The following OR5AN1 variants were observed in gnomAD, a reference collection of about 807,000 sequenced individuals.
OR5AN1 encodes olfactory receptor family 5 subfamily AN member 1.
For synonymous variants in OR5AN1, 167 were observed against 131.8 expected (o/e 1.27, Z -1.83); for missense variants, 476 against 368.9 (o/e 1.29, Z -2.38).
chr11:59,361,745 C>T (rs571412295), intron 1 of OR5AN1, among the ~76,000 whole-genome samples: 1 of 152,320 alleles, frequency 6.6e-6, no homozygotes, highest in African/African-American at 2.4e-5. Context: ...GGAAAGTCTA[C>T]TCTCTCACAT....
At chr11:59,361,759 A>G (rs1418009226) in intron 1 of OR5AN1, among the ~76,000 whole-genome samples, 2 of 151,950 alleles carry the variant, frequency 1.3e-5, no homozygotes, top group East Asian at 1.9e-4. Flanking sequence ...CTCACATTCT[A>G]TCTCTTTCTC....
At position 59,370,955 on chromosome 11, in the gene OR5AN1, C is replaced by T. The variant is rs1457807870; in HGVS notation, c.*5561C>T. 1.3e-5 allele frequency: 2 copies of T among 152,152 alleles called. No homozygotes were observed. The highest frequency in any genetic ancestry group is 2.4e-5 in the African/African-American group (1 of 41,418). 9.4% of individuals were successfully genotyped at this position (152,152 alleles called of 1,614,324 possible). A position where few individuals can be genotyped will look rare whatever the true frequency, so the allele number is the denominator to read the frequency against. On this transcript the variant is annotated 3_prime_UTR_variant, in exon 2 of 2. Transcript: ENST00000641998. ...TTCACAAGAAGGACCATGAGATAAC[C>T]TCTGTGATAGCTCTAGGCTGTTATC...
In OR5AN1 at chr11:59,366,705, A is replaced by T. The variant is rs2134486232; in HGVS notation, c.*1311A>T. The T allele has an allele frequency of 6.6e-6, 1 of 152,328 alleles. No homozygotes were observed. Among genetic ancestry groups the T allele is most frequent in the African/African-American group, 2.4e-5 (1 of 41,564 alleles). 9.4% of individuals were successfully genotyped at this position (152,328 alleles called of 1,614,324 possible). A position where few individuals can be genotyped will look rare whatever the true frequency, so the allele number is the denominator to read the frequency against. On this transcript the variant is annotated 3_prime_UTR_variant, in exon 2 of 2. Transcript: ENST00000641998. ...GGAGTTGTTTAGGATTATTGAGCTG[A>T]TACTTATTCAAAACTCAGAATAGGG... is the stretch of plus-strand genomic sequence containing the variant.
Position 59,364,838 on chromosome 11 carries a change from T to C in OR5AN1, c.380T>C (p.Ile127Thr). Residue 127 changes from isoleucine (I) to threonine (T), a missense_variant, in exon 2 of 2, where the codon ATT (isoleucine) becomes ACT (threonine). Physicochemically the swap from Ile to Thr is moderately conservative, Grantham distance 89. Transcript: ENST00000641998. The stretch of plus-strand genomic sequence containing the variant: ...ATGGCTTATGATCGTTATGCTGCCA[T>C]TTGTAACCCCCTGCTCTATTCATCC... ...TAMAYDRYAA[I>T]CNPLLYSSIM... 6.2e-7 allele frequency: 1 copy of C among 1,614,000 alleles called. No individual in the cohort carries two copies. The highest frequency in any genetic ancestry group is 8.5e-7 in the Non-Finnish European group (1 of 1,179,896).
chr11:59,370,345 G>T lies in OR5AN1; in HGVS notation c.*4951G>T, dbSNP rs1439021558. On this transcript the variant is annotated 3_prime_UTR_variant, in exon 2 of 2. Transcript: ENST00000641998. Reference sequence around the variant, plus strand: ...CAGGATAAAAAAGGAAGACCCAATGGTATGCTGTCTTCAAGAGACCCGTCT... The same window carrying T: ...CAGGATAAAAAAGGAAGACCCAATGTTATGCTGTCTTCAAGAGACCCGTCT... 1 of 152,118 alleles carries T rather than the reference G, an allele frequency of 6.6e-6. No homozygotes were observed. Among genetic ancestry groups the T allele is most frequent in the East Asian group, 1.9e-4 (1 of 5,198 alleles). The allele number at this position is 152,118 out of a possible 1,614,324, so 9.4% of individuals were successfully genotyped here. A position where few individuals can be genotyped will look rare whatever the true frequency, so the allele number is the denominator to read the frequency against.
At position 59,369,572 on chromosome 11, in the gene OR5AN1, A is replaced by G. The variant is rs1857571023; in HGVS notation, c.*4178A>G. ...ATAAGACAGTCAGACACAAATAAAG[A>G]AAAAAAAAGAAATAAACAAAGCCTC... is the stretch of plus-strand genomic sequence containing the variant. On this transcript the variant is annotated 3_prime_UTR_variant, in exon 2 of 2. Coordinates refer to ENST00000641998, the MANE Select transcript of OR5AN1 (RefSeq NM_001004729.2). 1 of 151,692 alleles carries G rather than the reference A, an allele frequency of 6.6e-6. No individual in the cohort carries two copies. The highest frequency in any genetic ancestry group is 1.5e-5 in the Non-Finnish European group (1 of 67,864). The allele number at this position is 151,692 out of a possible 1,614,324, so 9.4% of individuals were successfully genotyped here.
Position 59,367,086 on chromosome 11 carries a change from A to G in OR5AN1, c.*1692A>G, listed in dbSNP as rs1373498159. 1 of 152,256 alleles carries G rather than the reference A, an allele frequency of 6.6e-6. No individual in the cohort carries two copies. The highest frequency in any genetic ancestry group is 1.5e-5 in the Non-Finnish European group (1 of 68,050). The allele number at this position is 152,256 out of a possible 1,614,324, so 9.4% of individuals were successfully genotyped here. A position where few individuals can be genotyped will look rare whatever the true frequency, so the allele number is the denominator to read the frequency against. On this transcript the variant is annotated 3_prime_UTR_variant, in exon 2 of 2. Coordinates refer to ENST00000641998, the MANE Select transcript of OR5AN1 (RefSeq NM_001004729.2). ...TAACAATCTTTTGAAAAGAAATACA[A>G]TAAAGTAACAAAGCTGTGAATCAGA... is the stretch of plus-strand genomic sequence containing the variant.
Position 59,365,389 on chromosome 11 carries a change from T to A in OR5AN1, c.931T>A (p.Cys311Ser), listed in dbSNP as rs771506013. ...AAAGAGGTTGCAAAAGAGAAAGTGC[T>A]GCTGAGTTTACAGATTCTGAGATTT... The part of the protein sequence containing the change: ...ALKRLQKRKC[C>S] The change falls in exon 2 of 2, where the codon TGC becomes AGC. Residue 311 changes from cysteine to serine, a missense_variant. Cys to Ser is a moderately radical substitution (Grantham distance 112). Coordinates refer to ENST00000641998, the MANE Select transcript of OR5AN1 (RefSeq NM_001004729.2). 6.3e-7 allele frequency: 1 copy of A among 1,577,100 alleles called. No homozygotes were observed. Among genetic ancestry groups the A allele is most frequent in the Non-Finnish European group, 8.6e-7 (1 of 1,161,440 alleles).
rs375739805 is a variant in OR5AN1 at position 59,364,866 on chromosome 11, C to T, written c.408C>T (p.Ile136=). 2 of 1,613,830 alleles carry T rather than the reference C, an allele frequency of 1.2e-6. No individual in the cohort carries two copies. Among genetic ancestry groups the T allele is most frequent in the Non-Finnish European group, 1.7e-6 (2 of 1,179,856 alleles). The change falls in exon 2 of 2, where the codon ATC becomes ATT. Residue 136 remains isoleucine (I), a synonymous_variant. Transcript: ENST00000641998. ...GTAACCCCCTGCTCTATTCATCCAT[C>T]ATGTCACCCACCCTCTGTGTTTGGA... ...AICNPLLYSS[I]MSPTLCVWMV...
At position 59,368,729 on chromosome 11, in the gene OR5AN1, A is replaced by C. The variant is rs974728375; in HGVS notation, c.*3335A>C. 1 of 152,226 alleles carries C rather than the reference A, an allele frequency of 6.6e-6. No individual in the cohort carries two copies. Among genetic ancestry groups the C allele is most frequent in the Non-Finnish European group, 1.5e-5 (1 of 68,098 alleles). The allele number at this position is 152,226 out of a possible 1,614,324, so 9.4% of individuals were successfully genotyped here. A position where few individuals can be genotyped will look rare whatever the true frequency, so the allele number is the denominator to read the frequency against. The stretch of plus-strand genomic sequence containing the variant: ...ATGACCCTTAGCCACAACCATTACG[A>C]AGATCTCTTCCACTGCTGTCTCTAA... On this transcript the variant is annotated 3_prime_UTR_variant, in exon 2 of 2. Coordinates refer to ENST00000641998, the MANE Select transcript of OR5AN1 (RefSeq NM_001004729.2).
In OR5AN1 at chr11:59,365,435, G is replaced by C; in HGVS notation, c.*41G>C. On this transcript the variant is annotated 3_prime_UTR_variant, in exon 2 of 2. Coordinates refer to ENST00000641998, the MANE Select transcript of OR5AN1 (RefSeq NM_001004729.2). Reference sequence around the variant, plus strand: ...GATTTCTGCCAGATATGGCCCATCAGAATCTCCCTAACCCACAAAATATGA... The same window carrying C: ...GATTTCTGCCAGATATGGCCCATCACAATCTCCCTAACCCACAAAATATGA... The C allele has an allele frequency of 8.2e-7, 1 of 1,219,792 alleles. No individual in the cohort carries two copies. Among genetic ancestry groups the C allele is most frequent in the Non-Finnish European group, 1.2e-6 (1 of 865,376 alleles). 75.6% of individuals were successfully genotyped at this position (1,219,792 alleles called of 1,614,324 possible).
rs566009629 is a variant in OR5AN1 at position 59,360,040 on chromosome 11, T to A, written c.-14+768T>A. The A allele has an allele frequency of 7.1e-4, 108 of 152,244 alleles. 2 individuals carry two copies. Among genetic ancestry groups the A allele is most frequent in the African/African-American group, 2.4e-3 (101 of 41,546 alleles). The allele number at this position is 152,244 out of a possible 1,614,324, so 9.4% of individuals were successfully genotyped here. A position where few individuals can be genotyped will look rare whatever the true frequency, so the allele number is the denominator to read the frequency against. On this transcript the variant is annotated intron_variant, in intron 1 of 1. Coordinates refer to ENST00000641998, the MANE Select transcript of OR5AN1 (RefSeq NM_001004729.2). ...TATGCAAGGAATTAATCAAAGAGAG[T>A]GAATGTATCCAGAGTTTTTTCTCTT...
Position 59,365,126 on chromosome 11 carries a change from G to A in OR5AN1, c.668G>A (p.Gly223Asp). ...ATCATGATATCCTATGGCTATATTG[G>A]CATCTCCATCATGAAGATCACTTCA... ...LVIMISYGYI[G>D]ISIMKITSAK... is the part of the protein sequence containing the mutation. The change falls in exon 2 of 2, where the codon GGC (glycine) becomes GAC (aspartate). Residue 223 changes from glycine (G) to aspartate (D), a missense_variant. By Grantham distance (94) the Gly-to-Asp change is moderately conservative. Transcript: ENST00000641998. The A allele has an allele frequency of 2.5e-6, 4 of 1,614,002 alleles. No individual in the cohort carries two copies. The highest frequency in any genetic ancestry group is 1.7e-5 in the Admixed American group (1 of 59,992).
rs753170950 is a variant in OR5AN1, at chr11:59,364,889, G to A, written c.431G>A (p.Trp144Ter). 1.9e-6 allele frequency: 3 copies of A among 1,614,024 alleles called. No individual in the cohort carries two copies. Among genetic ancestry groups the A allele is most frequent in the South Asian group, 2.2e-5 (2 of 91,066 alleles). Reference protein sequence around the residue: ...SSIMSPTLCVWMVLGAYMTGL... With the variant: ...SSIMSPTLCV ...ATCATGTCACCCACCCTCTGTGTTT[G>A]GATGGTACTGGGAGCCTACATGACT... Residue 144 changes from tryptophan (W) to a stop codon, truncating the protein, a stop_gained, in exon 2 of 2, where the codon TGG becomes TAG. Transcript: ENST00000641998. LOFTEE classifies it low-confidence loss of function (END_TRUNC).
rs767590936 is a variant in OR5AN1, at chr11:59,368,397, A to T, written c.*3003A>T. 6.6e-6 allele frequency: 1 copy of T among 152,334 alleles called. No individual in the cohort carries two copies. The highest frequency in any genetic ancestry group is 2.4e-5 in the African/African-American group (1 of 41,456). The allele number at this position is 152,334 out of a possible 1,614,324, so 9.4% of individuals were successfully genotyped here. On this transcript the variant is annotated 3_prime_UTR_variant, in exon 2 of 2. Coordinates refer to ENST00000641998, the MANE Select transcript of OR5AN1 (RefSeq NM_001004729.2). ...GTATCAAATCACCAACTCCCTAGACAGAGCTTCCGAGGTCAACAGAAAGTT... is the reference window on the plus strand; with the variant it reads ...GTATCAAATCACCAACTCCCTAGACTGAGCTTCCGAGGTCAACAGAAAGTT...
rs927572235 is a variant in OR5AN1, at chr11:59,366,597, G to A, written c.*1203G>A. 4 of 152,136 alleles carry A rather than the reference G, an allele frequency of 2.6e-5. No individual in the cohort carries two copies. The highest frequency in any genetic ancestry group is 2.1e-4 in the South Asian group (1 of 4,830). The allele number at this position is 152,136 out of a possible 1,614,324, so 9.4% of individuals were successfully genotyped here. A position where few individuals can be genotyped will look rare whatever the true frequency, so the allele number is the denominator to read the frequency against. Reference sequence around the variant, plus strand: ...AAAATTCAGGCTCTGCCACCCCCAAGGTGTGTGATGCTGGGCAAGCCACAC... The same window carrying A: ...AAAATTCAGGCTCTGCCACCCCCAAAGTGTGTGATGCTGGGCAAGCCACAC... On this transcript the variant is annotated 3_prime_UTR_variant, in exon 2 of 2. Transcript: ENST00000641998.
At chr11:59,360,970 G>A (rs937041394) in intron 1 of OR5AN1, among the ~76,000 whole-genome samples, 4 of 152,192 alleles carry the variant, frequency 2.6e-5, no homozygotes, top group East Asian at 1.9e-4. Flanking sequence ...ACAATGCTTA[G>A]CATTAAGTAA....
At chr11:59,362,053 T>C (rs200039126) in intron 1 of OR5AN1, among the ~76,000 whole-genome samples, 10 of 151,888 alleles carry the variant, frequency 6.6e-5, no homozygotes, top group Non-Finnish European at 1.5e-5. Context: ...AGAGAGCTCA[T>C]GCATGCAAAA....
chr11:59,365,101 A>G lies in OR5AN1; in HGVS notation c.643A>G (p.Ile215Val). Reference sequence around the variant, plus strand: ...CTTTGGGATAGCAAGTGCCCTAGTTATCATGATATCCTATGGCTATATTGG... The same window carrying G: ...CTTTGGGATAGCAAGTGCCCTAGTTGTCATGATATCCTATGGCTATATTGG... ...MFFGIASALV[I>V]MISYGYIGIS... Residue 215 changes from isoleucine (I) to valine (V), a missense_variant, in exon 2 of 2, where the codon ATC (isoleucine) becomes GTC (valine). Transcript: ENST00000641998. The G allele has an allele frequency of 1.2e-6, 2 of 1,614,154 alleles. No individual in the cohort carries two copies. The highest frequency in any genetic ancestry group is 1.7e-6 in the Non-Finnish European group (2 of 1,180,002).
Sources: gnomAD v4.1 joint callset for allele counts (sites outside exome capture counted in the v4.1 genomes callset) on GRCh38, gnomAD v4.1.1 for gene constraint, MANE v1.5 for transcripts, NCBI Gene and HGNC (gene_info 2026-07-23, HGNC 2026-07-21) for gene names.